The following GOLGA5 variants were observed in gnomAD, a reference collection of about 807,000 sequenced individuals.
GOLGA5 encodes the protein golgin A5.
Under a neutral mutation model 93.5 loss-of-function variants are expected in GOLGA5, and 50 were observed. That is an observed-to-expected ratio of 0.53 (90% CI 0.43 to 0.68). The LOEUF (loss-of-function observed/expected upper bound fraction) is 0.68. GOLGA5 is among the 30% of genes least tolerant of loss of function. The pLI is 0.00. For synonymous variants in GOLGA5, 312 were observed against 304.5 expected, an observed-to-expected ratio of 1.02 and a Z score of -0.26; for missense variants, 760 against 856.4, an observed-to-expected ratio of 0.89 and a Z score of 1.40.
intron 10 of GOLGA5, among the ~76,000 whole-genome samples, 158 bp from the exon 11 acceptor site, chr14:92,835,400 AT>A (rs1477773006): frequency 1.3e-5 from 2 of 152,176 alleles, no homozygotes; most frequent in African/African-American, 4.8e-5. Context: ...ATGTCATCAA[AT>A]TTACCTGTCC....
rs1885568471 is a variant in GOLGA5 at position 92,833,279 on chromosome 14, T to C, written c.1877T>C (p.Met626Thr). The C allele has an allele frequency of 6.2e-7, 1 of 1,613,938 alleles. No homozygotes were observed. The highest frequency in any genetic ancestry group is 1.1e-5 in the South Asian group (1 of 91,078). ...CAACTGGAGCGCCTCGAACAGCAGATGAACTCCGCCTCTGGAAGTAGTAGT... is the reference window on the plus strand; with the variant it reads ...CAACTGGAGCGCCTCGAACAGCAGACGAACTCCGCCTCTGGAAGTAGTAGT... ...VFQLERLEQQ[M>T]NSASGSSSNG... Residue 626 changes from methionine to threonine, a missense_variant, in exon 10 of 13, where the codon ATG (methionine) becomes ACG (threonine). Transcript: ENST00000163416.
intron 3 of GOLGA5, among the ~76,000 whole-genome samples, chr14:92,807,991 T>C (rs1456082177): frequency 6.6e-6 from 1 of 152,036 alleles, no homozygotes; most frequent in Non-Finnish European, 1.5e-5. Context: ...TCCCAACACT[T>C]TGGGAGGCCG....
intron 3 of GOLGA5, among the ~76,000 whole-genome samples, chr14:92,809,054 A>G (rs149583003): frequency 3.2e-3 from 486 of 152,314 alleles, no homozygotes; most frequent in Middle Eastern, 0.014. Flanking sequence ...GCTTTATCAT[A>G]TAGAAACAGC....
intron 4 of GOLGA5, among the ~76,000 whole-genome samples, 161 bp downstream of exon 4, chr14:92,809,680 G>A (rs1436537585): frequency 6.6e-6 from 1 of 152,188 alleles, no homozygotes; most frequent in Non-Finnish European, 1.5e-5. Flanking sequence ...TTGGCTGGGC[G>A]TGGTGGCTCA....
At chr14:92,819,635 A>C in intron 7 of GOLGA5, 73 bp from the exon 8 acceptor site, 1 of 1,499,714 alleles carries the variant, frequency 6.7e-7, no homozygotes, top group East Asian at 2.3e-5. Flanking sequence ...GATTCTTAAA[A>C]AAGAAAAATT....
chr14:92,799,816 A>G (rs1482344639), intron 2 of GOLGA5, among the ~76,000 whole-genome samples: 1 of 150,856 alleles, frequency 6.6e-6, no homozygotes, highest in Non-Finnish European at 1.5e-5. Flanking sequence ...CACGTTGGCC[A>G]GGCTGGTCTT....
intron 6 of GOLGA5, 127 bp from the exon 7 acceptor site, chr14:92,816,124 A>G (rs1426024985): frequency 1.6e-6 from 1 of 639,762 alleles, no homozygotes; most frequent in African/African-American, 1.8e-5. Flanking sequence ...ATTTAAGAAA[A>G]TCTGTGGACT....
intron 11 of GOLGA5, 30 bp from the exon 12 acceptor site, chr14:92,837,356 C>T (rs1194163682): frequency 8.8e-7 from 1 of 1,134,332 alleles, no homozygotes; most frequent in Admixed American, 1.9e-5. Flanking sequence ...TCTTCTCTCT[C>T]CTCTCCCCCT....
rs1885562189 is a variant in GOLGA5 at position 92,833,046 on chromosome 14, A to G, written c.1720-76A>G. 3.7e-6 allele frequency: 3 copies of G among 813,222 alleles called. No individual in the cohort carries two copies. The African/African-American group carries it at 5.1e-5, about 14-fold the overall frequency. The allele number at this position is 813,222 out of a possible 1,614,324, so 50.4% of individuals were successfully genotyped here. A position where few individuals can be genotyped will look rare whatever the true frequency, so the allele number is the denominator to read the frequency against. ...CAATGAATGCCACAATTTACCTATG[A>G]AAATGTAGTAGTGTGATTTCTGTAT... On this transcript the variant is annotated intron_variant, in intron 9 of 12. Transcript: ENST00000163416.
At chr14:92,828,866 G>A (rs1885471941) in intron 9 of GOLGA5, among the ~76,000 whole-genome samples, 1 of 152,108 alleles carries the variant, frequency 6.6e-6, no homozygotes, top group Non-Finnish European at 1.5e-5. Flanking sequence ...ATGGGGTTTT[G>A]CCATGTTGGG....
chr14:92,796,976 CAAAAAAAAA>C (rs71123379), intron 1 of GOLGA5, among the ~76,000 whole-genome samples: 1 of 73,686 alleles, frequency 1.4e-5, no homozygotes. Flanking sequence ...GACTCCGTCT[CAAAAAAAAA>C]AAAAAAAAAA....
At chr14:92,804,190 CTTAA>C (rs1367676585) in intron 2 of GOLGA5, among the ~76,000 whole-genome samples, 1 of 151,814 alleles carries the variant, frequency 6.6e-6, no homozygotes, top group African/African-American at 2.4e-5. Context: ...TGGATATATA[CTTAA>C]TTTATTTTTT....
chr14:92,813,085 T>C (rs1376917660), intron 6 of GOLGA5, among the ~76,000 whole-genome samples: 4 of 152,204 alleles, frequency 2.6e-5, no homozygotes, highest in Non-Finnish European at 5.9e-5. Flanking sequence ...TTTTTGACTT[T>C]ACCTTTTTTC....
At chr14:92,832,968 GT>G (rs1885560899) in intron 9 of GOLGA5, among the ~76,000 whole-genome samples, 153 bp from the exon 10 acceptor site, 1 of 152,096 alleles carries the variant, frequency 6.6e-6, no homozygotes, top group East Asian at 1.9e-4. Flanking sequence ...CATGACCCCA[GT>G]TTTTGAAAAT....
At chr14:92,796,691 CCGGGCGCGG>C (rs1884735119) in intron 1 of GOLGA5, among the ~76,000 whole-genome samples, 1 of 151,384 alleles carries the variant, frequency 6.6e-6, no homozygotes, top group African/African-American at 2.4e-5. Context: ...ATTTGCCCGG[CCGGGCGCGG>C]TGGCTCACGC....
At chr14:92,801,792 A>T (rs533885330) in intron 2 of GOLGA5, among the ~76,000 whole-genome samples, 1 of 150,326 alleles carries the variant, frequency 6.7e-6, no homozygotes, top group Non-Finnish European at 1.5e-5. Flanking sequence ...TATTGAACAG[A>T]GTCTCTTGTC....
intron 10 of GOLGA5, among the ~76,000 whole-genome samples, chr14:92,834,354 C>T (rs985513986): frequency 6.6e-6 from 1 of 152,018 alleles, no homozygotes; most frequent in Non-Finnish European, 1.5e-5. Flanking sequence ...CCTCCTCCCC[C>T]CTCCCCCAGC....
Position 92,816,396 on chromosome 14 carries a change from T to C in GOLGA5, c.1466T>C (p.Ile489Thr). 1 of 1,613,908 alleles carries C rather than the reference T, an allele frequency of 6.2e-7. No homozygotes were observed. The highest frequency in any genetic ancestry group is 8.5e-7 in the Non-Finnish European group (1 of 1,179,822). Residue 489 changes from isoleucine to threonine, a missense_variant, in exon 7 of 13, where the codon ATA becomes ACA. By Grantham distance (89) the Ile-to-Thr change is moderately conservative (BLOSUM62 -1). Transcript: ENST00000163416. ...REEIQKLMGQ[I>T]HQLRSELQDM... ...GAAATACAGAAGCTGATGGGCCAGA[T>C]ACATCAGCTCAGATCCGAATTACAG...
intron 2 of GOLGA5, among the ~76,000 whole-genome samples, chr14:92,805,833 A>G (rs991830009): frequency 6.6e-5 from 10 of 152,188 alleles, no homozygotes; most frequent in South Asian, 4.1e-4. Flanking sequence ...CAGTTTTATT[A>G]TTTAGATATA....
Sources: gnomAD v4.1 joint callset for allele counts (sites outside exome capture counted in the v4.1 genomes callset) on GRCh38, gnomAD v4.1.1 for gene constraint, MANE v1.5 for transcripts, NCBI Gene and HGNC (gene_info 2026-07-23, HGNC 2026-07-21) for gene names.